The following AQP4 variants were observed in gnomAD, a reference collection of about 807,000 sequenced individuals.
AQP4 encodes the protein aquaporin-4.
A neutral mutation model predicts 27.8 loss-of-function variants in AQP4; 18 were observed. The observed-to-expected ratio is 0.65, with a 90% CI of 0.45 to 0.96. The LOEUF (loss-of-function observed/expected upper bound fraction) is 0.96. Among genes scored for constraint, AQP4 ranks in the 40% least tolerant of loss-of-function variants. The pLI, the probability that AQP4 is intolerant of heterozygous loss-of-function variation, is 0.00. For synonymous variants in AQP4, 141 were observed against 142.9 expected, an observed-to-expected ratio of 0.99 and a Z score of 0.10; for missense variants, 412 against 408.2, an observed-to-expected ratio of 1.01 and a Z score of -0.08.
chr18:26,860,210 T>C (rs1364032621), intron 4 of AQP4, among the ~76,000 whole-genome samples: 1 of 152,208 alleles, frequency 6.6e-6, no homozygotes, highest in Non-Finnish European at 1.5e-5. Flanking sequence ...ATGGTGATAA[T>C]AACATAAACC....
rs569307685 is a variant in AQP4, at chr18:26,853,539, A to G, written c.*2672T>C. On this transcript the variant is annotated 3_prime_UTR_variant, in exon 5 of 5. Coordinates refer to ENST00000383168, the MANE Select transcript of AQP4 (RefSeq NM_001650.7). ...GGGAAGAGACAGTTGGCATTGTTTCATGGCTGGGTATAATTCATTTATGTC... is the reference window on the plus strand; with the variant it reads ...GGGAAGAGACAGTTGGCATTGTTTCGTGGCTGGGTATAATTCATTTATGTC... The G allele has an allele frequency of 1.3e-5, 2 of 152,234 alleles. No homozygotes were observed. Among genetic ancestry groups the G allele is most frequent in the Non-Finnish European group, 2.9e-5 (2 of 68,040 alleles). The allele number at this position is 152,234 out of a possible 1,614,324, so 9.4% of individuals were successfully genotyped here.
chr18:26,856,211 T>G lies in AQP4; in HGVS notation c.972A>C (p.Ter324CysextTer29), dbSNP rs770061014. Residue 324 changes from the stop codon to cysteine (C), a stop_lost, in exon 5 of 5, where the codon TGA becomes TGC. Transcript: ENST00000383168. ...GTCTGCTTTCAGTGCGATCTTCTAG[T>G]CATACTGAAGACAATACCTCTCCAG... ...DQSGEVLSSV[*>C] 1 of 1,614,236 alleles carries G rather than the reference T, an allele frequency of 6.2e-7. No homozygotes were observed.
chr18:26,862,676 T>C, intron 1 of AQP4, 80 bp from the exon 2 acceptor site: 1 of 1,596,032 alleles, frequency 6.3e-7, no homozygotes, highest in Non-Finnish European at 8.6e-7. Context: ...AGGCCTGCCA[T>C]CTTCGGGTAC....
intron 4 of AQP4, among the ~76,000 whole-genome samples, chr18:26,859,257 C>T (rs951227148): frequency 2.0e-4 from 31 of 152,226 alleles, no homozygotes; most frequent in Non-Finnish European, 4.0e-4. Flanking sequence ...CTGTGGCTCA[C>T]GCCTGTAATC....
chr18:26,865,350 T>C, intron 1 of AQP4: 1 of 489,794 alleles, frequency 2.0e-6, no homozygotes, highest in Non-Finnish European at 3.7e-6. Context: ...CCAGGACAGC[T>C]GAGCGTCTGG....
intron 4 of AQP4, among the ~76,000 whole-genome samples, chr18:26,857,324 T>C (rs1265891461): frequency 6.6e-6 from 1 of 150,464 alleles, no homozygotes; most frequent in African/African-American, 2.4e-5. Flanking sequence ...TTATTATTAT[T>C]ATTATTATTA....
chr18:26,860,634 T>C, intron 4 of AQP4, 138 bp downstream of exon 4: 2 of 791,276 alleles, frequency 2.5e-6, no homozygotes, highest in South Asian at 1.4e-5. Context: ...CTAGTCTTTA[T>C]GAAAGATGTA....
At chr18:26,858,007 A>T (rs1487567583) in intron 4 of AQP4, among the ~76,000 whole-genome samples, 2 of 152,134 alleles carry the variant, frequency 1.3e-5, no homozygotes, top group African/African-American at 4.8e-5. Flanking sequence ...ACAGTGGCTC[A>T]CACCTGTAAT....
chr18:26,860,734 A>T, intron 4 of AQP4, 38 bp downstream of exon 4: 1 of 1,560,496 alleles, frequency 6.4e-7, no homozygotes, highest in Non-Finnish European at 8.8e-7. Context: ...AATTGTCCTC[A>T]ACTGTAGGAA....
At chr18:26,865,200 A>G in intron 1 of AQP4, 1 of 260,210 alleles carries the variant, frequency 3.8e-6, no homozygotes, top group South Asian at 5.0e-5. Flanking sequence ...TTTTATTGTC[A>G]GTGTTCCCTT....
Position 26,855,345 on chromosome 18 carries a change from G to A in AQP4, c.*866C>T, listed in dbSNP as rs943858884. The A allele has an allele frequency of 6.6e-6, 1 of 152,190 alleles. No homozygotes were observed. Among genetic ancestry groups the A allele is most frequent in the Non-Finnish European group, 1.5e-5 (1 of 68,024 alleles). 9.4% of individuals were successfully genotyped at this position (152,190 alleles called of 1,614,324 possible). A position where few individuals can be genotyped will look rare whatever the true frequency, so the allele number is the denominator to read the frequency against. On this transcript the variant is annotated 3_prime_UTR_variant, in exon 5 of 5. Coordinates refer to ENST00000383168, the MANE Select transcript of AQP4 (RefSeq NM_001650.7). Reference sequence around the variant, plus strand: ...AAGCAAAGTGGTAAAGGGGTTAAAAGCTTAGATCGTAAAACTGGTGTGGTG... The same window carrying A: ...AAGCAAAGTGGTAAAGGGGTTAAAAACTTAGATCGTAAAACTGGTGTGGTG...
chr18:26,861,357 A>G, intron 2 of AQP4, 62 bp from the exon 3 acceptor site: 1 of 1,524,660 alleles, frequency 6.6e-7, no homozygotes, highest in South Asian at 1.1e-5. Context: ...ACAATGTATT[A>G]ATATCATTGT....
intron 2 of AQP4, 73 bp from the exon 3 acceptor site, chr18:26,861,368 G>T: frequency 7.0e-7 from 1 of 1,434,498 alleles, no homozygotes; most frequent in Non-Finnish European, 9.8e-7. Context: ...ATATCATTGT[G>T]AAAGGCACAT....
At position 26,862,204 on chromosome 18, in the gene AQP4, A is replaced by G; in HGVS notation, c.425T>C (p.Val142Ala). 6.2e-7 allele frequency: 1 copy of G among 1,614,186 alleles called. No homozygotes were observed. Among genetic ancestry groups the G allele is most frequent in the Non-Finnish European group, 8.5e-7 (1 of 1,180,038 alleles). ...ILYLVTPPSV[V>A]GGLGVTMVHG... ...TACCATGGTGACTCCCAGGCCTCCCACCACACTGGGAGGTGTGACCAGATA... is the reference window on the plus strand; with the variant it reads ...TACCATGGTGACTCCCAGGCCTCCCGCCACACTGGGAGGTGTGACCAGATA... Residue 142 changes from valine (V) to alanine (A), a missense_variant, in exon 2 of 5, where the codon GTG becomes GCG. Coordinates refer to ENST00000383168, the MANE Select transcript of AQP4 (RefSeq NM_001650.7).
intron 1 of AQP4, chr18:26,865,428 T>G (rs574676771): frequency 3.2e-6 from 2 of 621,578 alleles, no homozygotes; most frequent in Non-Finnish European, 5.7e-6. Context: ...TTCCTGGGCT[T>G]TTGCAGATCT....
In AQP4 at chr18:26,865,650, G is replaced by T; in HGVS notation, c.32+8C>A. The T allele has an allele frequency of 6.2e-7, 1 of 1,614,188 alleles. No individual in the cohort carries two copies. Among genetic ancestry groups the T allele is most frequent in the Non-Finnish European group, 8.5e-7 (1 of 1,180,038 alleles). ...AGCGTTGTTCCCTTAAGGCAAAGAA[G>T]GACTTACCCCCACCGCCTTGCTGTG... On this transcript the variant is annotated splice_region_variant and intron_variant, in intron 1 of 4. Transcript: ENST00000383168.
chr18:26,860,662 G>A, intron 4 of AQP4, 110 bp downstream of exon 4: 1 of 942,332 alleles, frequency 1.1e-6, no homozygotes, highest in South Asian at 1.3e-5. Context: ...GAGGGTCAAG[G>A]TTGGAGAAAT....
In AQP4 at chr18:26,862,437, C is replaced by A; in HGVS notation, c.192G>T (p.Lys64Asn). The A allele has an allele frequency of 6.2e-7, 1 of 1,614,238 alleles. No individual in the cohort carries two copies. Among genetic ancestry groups the A allele is most frequent in the Non-Finnish European group, 8.5e-7 (1 of 1,180,044 alleles). ...TGAGAACCATGTCGACCGGTAAAGG[C>A]TTTTCTGTTCCACCCCAGTTGATGG... Reference protein sequence around the residue: ...GSTINWGGTEKPLPVDMVLIS... With the variant: ...GSTINWGGTENPLPVDMVLIS... Residue 64 changes from lysine (K) to asparagine (N), a missense_variant, in exon 2 of 5, where the codon AAG becomes AAT. Lys to Asn is a moderately conservative substitution (Grantham distance 94). Transcript: ENST00000383168.
In AQP4 at chr18:26,862,606, G is replaced by C; in HGVS notation, c.33-10C>G. 6.2e-7 allele frequency: 1 copy of C among 1,613,824 alleles called. No individual in the cohort carries two copies. The highest frequency in any genetic ancestry group is 1.3e-5 in the African/African-American group (1 of 75,044). Reference sequence around the variant, plus strand: ...CAAAGGTCCACACTTACTGAAAAGAGAAACAAATCAGCATCAGAAGCCACT... The same window carrying C: ...CAAAGGTCCACACTTACTGAAAAGACAAACAAATCAGCATCAGAAGCCACT... On this transcript the variant is annotated splice_polypyrimidine_tract_variant and intron_variant, in intron 1 of 4. Coordinates refer to ENST00000383168, the MANE Select transcript of AQP4 (RefSeq NM_001650.7).
Sources: gnomAD v4.1 joint callset for allele counts (sites outside exome capture counted in the v4.1 genomes callset) on GRCh38, gnomAD v4.1.1 for gene constraint, MANE v1.5 for transcripts, NCBI Gene and HGNC (gene_info 2026-07-23, HGNC 2026-07-21) for gene names.